Variants in MYPN observed in about 807,000 individuals in gnomAD.
MYPN encodes the protein myopalladin, also known as sarcomeric protein myopalladin, 145 kDa (MYOP).
Under a neutral mutation model 129.4 loss-of-function variants are expected in MYPN, and 63 were observed. The observed-to-expected ratio is 0.49, with a 90% CI of 0.40 to 0.60. The LOEUF is 0.60. MYPN is among the 20% of genes least tolerant of loss of function. The pLI, the probability that MYPN is intolerant of heterozygous loss-of-function variation, is 0.00. For synonymous variants in MYPN, 629 were observed against 600.9 expected, an observed-to-expected ratio of 1.05 and a Z score of -0.68; for missense variants, 1,596 against 1,635.4, an observed-to-expected ratio of 0.98 and a Z score of 0.42.
chr10:68,187,676 G>C (rs939282457), intron 12 of MYPN, among the ~76,000 whole-genome samples: 5 of 152,188 alleles, frequency 3.3e-5, no homozygotes, highest in African/African-American at 1.2e-4. Context: ...CTGGGAAAGA[G>C]ACCAGGCTTG....
chr10:68,195,386 T>G (rs1200785116), intron 14 of MYPN, 64 bp from the exon 15 acceptor site: 6 of 1,535,634 alleles, frequency 3.9e-6, no homozygotes, highest in Non-Finnish European at 4.5e-6. Context: ...CCAGAAATTT[T>G]TATGTAAATT....
At chr10:68,123,482 C>G (rs1339259920) in intron 2 of MYPN, among the ~76,000 whole-genome samples, 1 of 150,446 alleles carries the variant, frequency 6.6e-6, no homozygotes, top group African/African-American at 2.5e-5. Flanking sequence ...CGAGACCATC[C>G]TGGCTAAAAA....
intron 2 of MYPN, chr10:68,136,795 T>C: frequency 6.8e-7 from 1 of 1,473,258 alleles, no homozygotes; most frequent in Non-Finnish European, 9.1e-7. Context: ...TAATGGAAAG[T>C]ATTAGTTTTG....
chr10:68,199,701 T>C (rs1352299279), intron 17 of MYPN, 126 bp downstream of exon 17: 1 of 928,352 alleles, frequency 1.1e-6, no homozygotes, highest in Non-Finnish European at 1.7e-6. Context: ...TCCCCTTCAC[T>C]GTGGTAGGGG....
intron 1 of MYPN, among the ~76,000 whole-genome samples, chr10:68,118,279 T>C (rs1174711535): frequency 6.6e-6 from 1 of 152,180 alleles, no homozygotes; most frequent in African/African-American, 2.4e-5. Flanking sequence ...GAATACCCAT[T>C]ATAGTGGCAA....
chr10:68,134,059 A>G (rs2042449568), intron 2 of MYPN, among the ~76,000 whole-genome samples: 1 of 152,186 alleles, frequency 6.6e-6, no homozygotes, highest in South Asian at 2.1e-4. Context: ...AAACAGAAGA[A>G]GGGAAGAAAT....
Position 68,211,302 on chromosome 10 carries a change from G to A in MYPN, c.*847G>A, listed in dbSNP as rs1312431018. The A allele has an allele frequency of 2.2e-6, 1 of 454,084 alleles. No homozygotes were observed. The highest frequency in any genetic ancestry group is 2.3e-5 in the Admixed American group (1 of 42,568). The allele number at this position is 454,084 out of a possible 1,614,324, so 28.1% of individuals were successfully genotyped here. On this transcript the variant is annotated 3_prime_UTR_variant, in exon 20 of 20. Transcript: ENST00000358913. ...CAACTACCACTTACAAAATGTGCAAGAGTCATCATTTGCCCATAAAATACA... is the reference window on the plus strand; with the variant it reads ...CAACTACCACTTACAAAATGTGCAAAAGTCATCATTTGCCCATAAAATACA...
At chr10:68,158,777 A>AG (rs2042924636) in intron 7 of MYPN, 150 bp downstream of exon 7, 1 of 610,234 alleles carries the variant, frequency 1.6e-6, no homozygotes, top group Non-Finnish European at 2.8e-6. Flanking sequence ...ATATTTCAGT[A>AG]TATGTTCTCC....
chr10:68,156,905 CT>C (rs1033464658), intron 6 of MYPN, among the ~76,000 whole-genome samples: 2 of 152,128 alleles, frequency 1.3e-5, no homozygotes, highest in Non-Finnish European at 2.9e-5. Flanking sequence ...TAATTGTAAC[CT>C]TTTTTATGCT....
At chr10:68,107,471 G>A (rs1049236861), upstream of MYPN, among the ~76,000 whole-genome samples, 1 of 151,192 alleles carries the variant, frequency 6.6e-6, no homozygotes, top group Non-Finnish European at 1.5e-5. Flanking sequence ...CTCCCAAGGA[G>A]CTGGGACTAC....
intron 6 of MYPN, among the ~76,000 whole-genome samples, chr10:68,153,950 G>C (rs1278234921): frequency 6.6e-6 from 1 of 151,320 alleles, no homozygotes; most frequent in Non-Finnish European, 1.5e-5. Context: ...GCAACGCTTA[G>C]CGAGCAGAGT....
At chr10:68,120,315 A>G (rs757720821) in intron 1 of MYPN, among the ~76,000 whole-genome samples, 20 of 152,184 alleles carry the variant, frequency 1.3e-4, no homozygotes, top group Non-Finnish European at 2.2e-4. Flanking sequence ...TTGCATTATT[A>G]TATTACTTTC....
intron 1 of MYPN, among the ~76,000 whole-genome samples, chr10:68,098,070 A>G (rs949638605): frequency 2.0e-5 from 3 of 152,072 alleles, no homozygotes; most frequent in African/African-American, 7.2e-5. Flanking sequence ...ACATGGTGAA[A>G]CCCTGTCTCT....
At position 68,182,467 on chromosome 10, in the gene MYPN, T is replaced by TAC. The variant is rs1218846362; in HGVS notation, c.2704-6437_2704-6436insCA. 1.5e-3 allele frequency among the ~76,000 whole-genome samples: 174 copies of TAC among 112,710 alleles called. 1 individual carries two copies. The Middle Eastern group carries it at 0.02, about 13-fold the overall frequency. The allele number at this position is 112,710 out of a possible 152,430, so 73.9% of individuals were successfully genotyped here. ...ATATATATAACATATATATATAACATATATACACACACACACACACACACA... is the reference window on the plus strand; with the variant it reads ...ATATATATAACATATATATATAACATACATATACACACACACACACACACACA... On this transcript the variant is annotated intron_variant, in intron 12 of 19. Coordinates refer to ENST00000358913, the MANE Select transcript of MYPN (RefSeq NM_032578.4).
intron 1 of MYPN, among the ~76,000 whole-genome samples, chr10:68,099,950 T>C (rs1283901729): frequency 6.6e-6 from 1 of 152,200 alleles, no homozygotes; most frequent in Non-Finnish European, 1.5e-5. Context: ...GAGCTGGGCT[T>C]CGGCGTTGTA....
chr10:68,106,525 A>G, upstream of MYPN: 2 of 631,316 alleles, frequency 3.2e-6, no homozygotes, highest in Non-Finnish European at 5.6e-6. Context: ...TCTGTTTTTC[A>G]AAAATACGGC....
intron 2 of MYPN, among the ~76,000 whole-genome samples, chr10:68,141,601 TATCTGTCCTTATCC>T (rs2042580213): frequency 6.6e-6 from 1 of 152,238 alleles, no homozygotes. Context: ...ATCTCACTCC[TATCTGTCCTTATCC>T]ATCTTGTTTC....
intron 2 of MYPN, chr10:68,136,565 A>G: frequency 1.4e-6 from 2 of 1,467,170 alleles, no homozygotes; most frequent in South Asian, 1.4e-5. Context: ...TCATGCTGTT[A>G]AAGTCAGAGT....
chr10:68,122,457 T>C, intron 2 of MYPN, 117 bp downstream of exon 2: 2 of 1,072,166 alleles, frequency 1.9e-6, no homozygotes, highest in Non-Finnish European at 2.8e-6. Context: ...TTGAGAAAAG[T>C]AGTCGGTATC....
Sources: gnomAD v4.1 joint callset for allele counts (sites outside exome capture counted in the v4.1 genomes callset) on GRCh38, gnomAD v4.1.1 for gene constraint, MANE v1.5 for transcripts, NCBI Gene and HGNC (gene_info 2026-07-23, HGNC 2026-07-21) for gene names.